The following CAPZA2 variants were observed in gnomAD, a reference collection of about 807,000 sequenced individuals.
CAPZA2 encodes F-actin-capping protein subunit alpha-2.
A neutral mutation model predicts 44.0 loss-of-function variants in CAPZA2; 13 were observed. The ratio of observed to expected loss-of-function variants is 0.30; its 90% CI spans 0.19 to 0.47. The LOEUF (loss-of-function observed/expected upper bound fraction) is 0.47, where lower values mean the gene tolerates loss of function less well. Among genes scored for constraint, CAPZA2 ranks in the 20% least tolerant of loss-of-function variants. The pLI is 1.00. For missense variants in CAPZA2, 244 were observed against 338.6 expected (o/e 0.72, Z 2.19); for synonymous variants, 94 against 108.2 (o/e 0.87, Z 0.81).
At chr7:116,897,921 T>G (rs536591538) in intron 3 of CAPZA2, among the ~76,000 whole-genome samples, 1 of 152,228 alleles carries the variant, frequency 6.6e-6, no homozygotes, top group African/African-American at 2.4e-5. Context: ...TTAATCTTCT[T>G]TAGAAGTACT....
At position 116,919,527 on chromosome 7, in the gene CAPZA2, T is replaced by C. The variant is rs1009176596; in HGVS notation, c.*1660T>C. On this transcript the variant is annotated 3_prime_UTR_variant, in exon 10 of 10. Transcript: ENST00000361183. The stretch of plus-strand genomic sequence containing the variant: ...ATGCATTACTGAAAATGTATGCAAC[T>C]GTTTTTAAGGTGATTTGCTTGTGAG... 1.3e-5 allele frequency: 2 copies of C among 152,106 alleles called. No individual in the cohort carries two copies. The highest frequency in any genetic ancestry group is 2.9e-5 in the Non-Finnish European group (2 of 68,032). The allele number at this position is 152,106 out of a possible 1,614,324, so 9.4% of individuals were successfully genotyped here. A position where few individuals can be genotyped will look rare whatever the true frequency, so the allele number is the denominator to read the frequency against.
At chr7:116,900,689 C>G (rs1160781031) in intron 4 of CAPZA2, among the ~76,000 whole-genome samples, 1 of 152,056 alleles carries the variant, frequency 6.6e-6, no homozygotes, top group Non-Finnish European at 1.5e-5. Flanking sequence ...AATTAAAGAG[C>G]TTCTGCACAG....
intron 1 of CAPZA2, among the ~76,000 whole-genome samples, chr7:116,884,066 G>C (rs530075382): frequency 1.3e-5 from 2 of 152,168 alleles, no homozygotes; most frequent in East Asian, 3.9e-4. Context: ...GGGCAGAAAG[G>C]GGATAAGGAA....
chr7:116,899,810 T>C (rs1468422544), intron 4 of CAPZA2, among the ~76,000 whole-genome samples: 1 of 151,650 alleles, frequency 6.6e-6, no homozygotes. Context: ...AAAGTCACTT[T>C]ATGAACCTAG....
Position 116,888,114 on chromosome 7 carries a change from C to G in CAPZA2, c.40-13C>G, listed in dbSNP as rs1370031180. On this transcript the variant is annotated splice_polypyrimidine_tract_variant and intron_variant, in intron 1 of 9. Coordinates refer to ENST00000361183, the MANE Select transcript of CAPZA2 (RefSeq NM_006136.3). The stretch of plus-strand genomic sequence containing the variant: ...TGTGATATGGAACATTTATATCTTT[C>G]TTTCTGTTTCAGGTGCGTATAGCAG... 1 of 1,594,230 alleles carries G rather than the reference C, an allele frequency of 6.3e-7. No individual in the cohort carries two copies. The highest frequency in any genetic ancestry group is 2.2e-5 in the East Asian group (1 of 44,564).
Position 116,896,157 on chromosome 7 carries a change from C to T in CAPZA2, c.156-2615C>T, listed in dbSNP as rs1796923418. 2.6e-5 allele frequency among the ~76,000 whole-genome samples: 4 copies of T among 152,092 alleles called. No homozygotes were observed. The South Asian group carries it at 8.3e-4, about 32-fold the overall frequency. ...CCTTTCCTCCACCTTTGCCTTGTTGCTTTATCTCCTTTTTTTTTCTTTGCC... is the reference window on the plus strand; with the variant it reads ...CCTTTCCTCCACCTTTGCCTTGTTGTTTTATCTCCTTTTTTTTTCTTTGCC... On this transcript the variant is annotated intron_variant, in intron 3 of 9. Coordinates refer to ENST00000361183, the MANE Select transcript of CAPZA2 (RefSeq NM_006136.3).
chr7:116,884,068 G>A (rs552726112), intron 1 of CAPZA2, among the ~76,000 whole-genome samples: 16 of 152,104 alleles, frequency 1.1e-4, no homozygotes, highest in Non-Finnish European at 2.2e-4. Context: ...GCAGAAAGGG[G>A]ATAAGGAAAT....
chr7:116,913,390 T>A (rs1562964175), intron 8 of CAPZA2, among the ~76,000 whole-genome samples: 1 of 152,242 alleles, frequency 6.6e-6, no homozygotes, highest in Non-Finnish European at 1.5e-5. Context: ...TATAATAGTT[T>A]TAGCTCTTAC....
At position 116,880,148 on chromosome 7, in the gene CAPZA2, G is replaced by A. The variant is rs1050963507; in HGVS notation, c.40-7979G>A. 9.2e-5 allele frequency: 43 copies of A among 467,288 alleles called. No homozygotes were observed. In the Admixed American group the frequency reaches 1.0e-3, roughly 11 times the overall value. 28.9% of individuals were successfully genotyped at this position (467,288 alleles called of 1,614,324 possible). ...CAATTTTTTTTTAAAGTAAATGAAG[G>A]TAAATATATTTAACCATAGATGCCA... On this transcript the variant is annotated intron_variant, in intron 1 of 9. Transcript: ENST00000361183.
intron 9 of CAPZA2, among the ~76,000 whole-genome samples, chr7:116,917,404 G>A (rs1350194079): frequency 3.3e-5 from 5 of 152,082 alleles, no homozygotes; most frequent in African/African-American, 1.2e-4. Flanking sequence ...ACAGACGCCC[G>A]CCACCATGCC....
In CAPZA2 at chr7:116,916,040, T is replaced by G; in HGVS notation, c.658-20T>G. 1 of 1,470,850 alleles carries G rather than the reference T, an allele frequency of 6.8e-7. No individual in the cohort carries two copies. Among genetic ancestry groups the G allele is most frequent in the East Asian group, 2.4e-5 (1 of 41,508 alleles). The allele number at this position is 1,470,850 out of a possible 1,614,324, so 91.1% of individuals were successfully genotyped here. ...TTTAGTTTTAAATTACTATTTTTATTTTGTTTTTTTTTTTTTCAGAATGAA... is the reference window on the plus strand; with the variant it reads ...TTTAGTTTTAAATTACTATTTTTATGTTGTTTTTTTTTTTTTCAGAATGAA... On this transcript the variant is annotated intron_variant, in intron 8 of 9. Coordinates refer to ENST00000361183, the MANE Select transcript of CAPZA2 (RefSeq NM_006136.3).
chr7:116,911,499 C>T (rs979818587), intron 7 of CAPZA2, among the ~76,000 whole-genome samples: 2 of 152,180 alleles, frequency 1.3e-5, no homozygotes, highest in Non-Finnish European at 2.9e-5. Context: ...CTCTAGTCCT[C>T]TCTGAAATAT....
intron 6 of CAPZA2, among the ~76,000 whole-genome samples, chr7:116,907,669 CAG>C (rs1237037056): frequency 6.6e-6 from 1 of 152,116 alleles, no homozygotes; most frequent in Non-Finnish European, 1.5e-5. Context: ...TGTTTAGAGA[CAG>C]AGTCTTGCTG....
chr7:116,891,926 A>G (rs1796851077), intron 2 of CAPZA2, among the ~76,000 whole-genome samples: 1 of 152,224 alleles, frequency 6.6e-6, no homozygotes, highest in Non-Finnish European at 1.5e-5. Flanking sequence ...TAGTCATTGT[A>G]AACTTTCCAA....
chr7:116,907,757 A>G (rs535828429), intron 6 of CAPZA2, among the ~76,000 whole-genome samples: 1 of 152,320 alleles, frequency 6.6e-6, no homozygotes, highest in East Asian at 1.9e-4. Context: ...CTGGAACTAC[A>G]GGTTCACATG....
intron 3 of CAPZA2, among the ~76,000 whole-genome samples, chr7:116,897,655 C>T (rs1796944731): frequency 6.6e-6 from 1 of 151,974 alleles, no homozygotes; most frequent in South Asian, 2.1e-4. Context: ...AGTGATTTCC[C>T]AGATTTTAGA....
chr7:116,869,497 T>A (rs1796522707), intron 1 of CAPZA2, among the ~76,000 whole-genome samples: 1 of 152,262 alleles, frequency 6.6e-6, no homozygotes, highest in African/African-American at 2.4e-5. Context: ...TCAGTACTGA[T>A]ACTTTTTTAT....
chr7:116,905,021 A>T (rs1791472943), intron 5 of CAPZA2, among the ~76,000 whole-genome samples: 1 of 148,940 alleles, frequency 6.7e-6, no homozygotes, highest in Non-Finnish European at 1.5e-5. Flanking sequence ...ACGTGCCTGT[A>T]GTCCCAGCTA....
chr7:116,867,807 C>T (rs973637135), intron 1 of CAPZA2, among the ~76,000 whole-genome samples: 1 of 152,130 alleles, frequency 6.6e-6, no homozygotes, highest in African/African-American at 2.4e-5. Flanking sequence ...TGGTCTGGAA[C>T]TCCTGAGCTC....
Sources: gnomAD v4.1 joint callset for allele counts (sites outside exome capture counted in the v4.1 genomes callset) on GRCh38, gnomAD v4.1.1 for gene constraint, MANE v1.5 for transcripts, NCBI Gene and HGNC (gene_info 2026-07-23, HGNC 2026-07-21) for gene names.